ABCA2: variants seen among roughly 807,000 people sequenced by gnomAD.
ABCA2 encodes ATP binding cassette subfamily A member 2, also known as ATP-binding cassette sub-family A member 2.
ABCA2 carries 84 observed loss-of-function variants against 262.8 expected under a neutral mutation model. That is an observed-to-expected ratio of 0.32 (90% CI 0.27 to 0.38). ABCA2 has a LOEUF of 0.38. Ranked by LOEUF, ABCA2 falls within the 10% of genes least tolerant of loss-of-function variation. The pLI, the probability that ABCA2 is intolerant of heterozygous loss-of-function variation, is 1.00. For synonymous variants in ABCA2, 1,696 were observed against 1,502.9 expected (o/e 1.13, Z -2.97); for missense variants, 2,662 against 3,405.9 (o/e 0.78, Z 5.44).
chr9:137,014,681 GC>G lies in ABCA2; in HGVS notation c.4003+8del. 1 of 1,604,470 alleles carries G rather than the reference GC, an allele frequency of 6.2e-7. No individual in the cohort carries two copies. The highest frequency in any genetic ancestry group is 8.5e-7 in the Non-Finnish European group (1 of 1,176,936). The stretch of plus-strand genomic sequence containing the variant: ...GGGGTGGGCTGAGCAAGTGGTCCAG[GC>G]CCCTCACCGGCCTCACTGTTCTCCA... On this transcript the variant is annotated splice_region_variant and intron_variant, in intron 26 of 48. Coordinates refer to ENST00000341511, the MANE Select transcript of ABCA2 (RefSeq NM_001606.5).
upstream of ABCA2, chr9:137,028,636 G>A: frequency 9.0e-7 from 1 of 1,108,850 alleles, no homozygotes; most frequent in Non-Finnish European, 1.1e-6. The surrounding 1 kb of genome is among the most constrained non-coding windows in gnomAD (Gnocchi z 6.9). Context: ...CCGAGCGGAC[G>A]CTGGCGAGGG....
At chr9:137,010,898 C>G (rs1215514356) in intron 39 of ABCA2, 75 bp downstream of exon 39, 8 of 642,002 alleles carry the variant, frequency 1.2e-5, no homozygotes, top group South Asian at 9.2e-5. Flanking sequence ...CCCCCACCCC[C>G]GCCCCTACCC....
rs778638670 is a variant in ABCA2 at position 137,016,379 on chromosome 9, G to A, written c.3016C>T (p.Leu1006=). 3.7e-6 allele frequency: 6 copies of A among 1,612,948 alleles called. No homozygotes were observed. The highest frequency in any genetic ancestry group is 5.1e-6 in the Non-Finnish European group (6 of 1,180,004). The change falls in exon 21 of 49, where the codon CTG becomes TTG. Residue 1006 remains leucine, a synonymous_variant. Transcript: ENST00000341511. ...TTCAGGCTCAGCTTGTTCAGGGCCA[G>A]CTTCTTGTCGTCCTTGTAGACCTTG... The part of the protein sequence containing the change: ...LTKVYKDDKK[L]ALNKLSLNLY...
In ABCA2 at chr9:137,009,363, G is replaced by A. The variant is rs759472698; in HGVS notation, c.6827+7C>T. 24 of 413,172 alleles carry A rather than the reference G, an allele frequency of 5.8e-5. No individual in the cohort carries two copies. The highest frequency in any genetic ancestry group is 1.7e-4 in the Admixed American group (6 of 34,718). The allele number at this position is 413,172 out of a possible 1,614,324, so 25.6% of individuals were successfully genotyped here. ...CCCAGCCCACCCCTGGCCCTGCCCC[G>A]GCTCACCGGTTCTTCAGGTGCTGGA... On this transcript the variant is annotated splice_region_variant and intron_variant, in intron 45 of 48. Coordinates refer to ENST00000341511, the MANE Select transcript of ABCA2 (RefSeq NM_001606.5).
rs1230702820 is a variant in ABCA2 at position 137,011,879 on chromosome 9, T to C, written c.5500A>G (p.Ile1834Val). 4 of 1,609,612 alleles carry C rather than the reference T, an allele frequency of 2.5e-6. No individual in the cohort carries two copies. Among genetic ancestry groups the C allele is most frequent in the Admixed American group, 1.7e-5 (1 of 59,642 alleles). The change falls in exon 35 of 49, where the codon ATC becomes GTC. Residue 1834 changes from isoleucine to valine, a missense_variant. Coordinates refer to ENST00000341511, the MANE Select transcript of ABCA2 (RefSeq NM_001606.5). The surrounding 1 kb of genome is among the most constrained non-coding windows in gnomAD (Gnocchi z 8.8). ...ACGTAGTTCGCCAGCCAGTAGATGATGGGGTTGCAGCCGCTGACAAACTGC... is the reference window on the plus strand; with the variant it reads ...ACGTAGTTCGCCAGCCAGTAGATGACGGGGTTGCAGCCGCTGACAAACTGC... ...HLQFVSGCNPIIYWLANYVWD... is the reference protein window; with the variant it reads ...HLQFVSGCNPVIYWLANYVWD...
At chr9:137,024,062 T>C in intron 2 of ABCA2, 81 bp downstream of exon 2, 1 of 1,522,508 alleles carries the variant, frequency 6.6e-7, no homozygotes, top group Non-Finnish European at 8.8e-7. Context: ...AGGACACCCG[T>C]GTGCAGATGT....
At chr9:137,015,211 A>G in intron 24 of ABCA2, 114 bp from the exon 25 acceptor site, 1 of 1,304,600 alleles carries the variant, frequency 7.7e-7, no homozygotes, top group South Asian at 1.5e-5. Flanking sequence ...ACCAGGCCCC[A>G]GCAGGTATCC....
At chr9:137,020,160 C>CCTGGAGCCCCG in intron 10 of ABCA2, 176 bp downstream of exon 10, 1 of 818,320 alleles carries the variant, frequency 1.2e-6, no homozygotes, top group Non-Finnish European at 1.9e-6. Flanking sequence ...CTGGAGCTCC[C>CCTGGAGCCCCG]GAAAGGAAAA....
In ABCA2 at chr9:137,018,760, G is replaced by A. The variant is rs1317407583; in HGVS notation, c.1778C>T (p.Thr593Ile). Reference protein sequence around the residue: ...FPDEESIVNYTLNQAYQDNVT... With the variant: ...FPDEESIVNYILNQAYQDNVT... ...GTTGTCCTGGTAGGCCTGGTTGAGG[G>A]TGTAGTTGACAATGCTCTCCTCGTC... The change falls in exon 13 of 49, where the codon ACC (threonine) becomes ATC (isoleucine). Residue 593 changes from threonine (T) to isoleucine (I), a missense_variant. Coordinates refer to ENST00000341511, the MANE Select transcript of ABCA2 (RefSeq NM_001606.5). 2 of 1,612,370 alleles carry A rather than the reference G, an allele frequency of 1.2e-6. No individual in the cohort carries two copies. Among genetic ancestry groups the A allele is most frequent in the African/African-American group, 1.3e-5 (1 of 74,956 alleles).
At position 137,014,396 on chromosome 9, in the gene ABCA2, CCTT is replaced by C; in HGVS notation, c.4009_4011del (p.Lys1337del). On this transcript the variant is annotated inframe_deletion, in exon 27 of 49. Transcript: ENST00000341511. ...CCAGGGAGCACATCCTTCCTGGACTCCTTCACATCTGCCGCAGTGGAAGGGCCG... is the reference window on the plus strand; with the variant it reads ...CCAGGGAGCACATCCTTCCTGGACTCCACATCTGCCGCAGTGGAAGGGCCG... The C allele has an allele frequency of 1.3e-6, 2 of 1,590,162 alleles. No individual in the cohort carries two copies. Among genetic ancestry groups the C allele is most frequent in the African/African-American group, 1.3e-5 (1 of 74,430 alleles).
chr9:137,010,476 G>C, intron 40 of ABCA2, 105 bp from the exon 41 acceptor site: 1 of 1,072,384 alleles, frequency 9.3e-7, no homozygotes, highest in Non-Finnish European at 1.2e-6. Context: ...AGGGGGCCAC[G>C]TGCCCCACAG....
chr9:137,021,748 G>T lies in ABCA2; in HGVS notation c.679-138C>A. On this transcript the variant is annotated intron_variant, in intron 7 of 48. Coordinates refer to ENST00000341511, the MANE Select transcript of ABCA2 (RefSeq NM_001606.5). The surrounding 1 kb of genome is among the most constrained non-coding windows in gnomAD (Gnocchi z 6.0). ...CCCACGACATGCCTCTACCCCTCAT[G>T]CCTGCCATAGACCCCTGGGACCCTC... 8.2e-7 allele frequency: 1 copy of T among 1,216,910 alleles called. No individual in the cohort carries two copies. The highest frequency in any genetic ancestry group is 1.2e-6 in the Non-Finnish European group (1 of 863,520). The allele number at this position is 1,216,910 out of a possible 1,614,324, so 75.4% of individuals were successfully genotyped here.
Position 137,019,424 on chromosome 9 carries a change from C to CAT in ABCA2, c.1426-119_1426-118insAT. ...ATTGCCAACAACTAACCCTCCCCAC[C>CAT]TTTTTTTTTTTTTTTTTCCTGAGAC... On this transcript the variant is annotated intron_variant, in intron 10 of 48. Coordinates refer to ENST00000341511, the MANE Select transcript of ABCA2 (RefSeq NM_001606.5). This position sits in a 1 kb window ranked among gnomAD's most constrained non-coding sequence, Gnocchi z 4.4. 7.7e-6 allele frequency: 7 copies of CAT among 906,356 alleles called. No homozygotes were observed. Among genetic ancestry groups the CAT allele is most frequent in the Non-Finnish European group, 1.1e-5 (7 of 638,538 alleles). The allele number at this position is 906,356 out of a possible 1,614,324, so 56.1% of individuals were successfully genotyped here. A position where few individuals can be genotyped will look rare whatever the true frequency, so the allele number is the denominator to read the frequency against.
chr9:137,028,407 G>C, upstream of ABCA2: 2 of 462,586 alleles, frequency 4.3e-6, no homozygotes, highest in Non-Finnish European at 5.6e-6. The surrounding 1 kb of genome is among the most constrained non-coding windows in gnomAD (Gnocchi z 6.9). Context: ...GGACCGACCC[G>C]GGCCCGAGAC....
Position 137,017,820 on chromosome 9 carries a change from G to A in ABCA2, c.2178C>T (p.His726=). Residue 726 remains histidine, a synonymous_variant, in exon 16 of 49, where the codon CAC becomes CAT. Coordinates refer to ENST00000341511, the MANE Select transcript of ABCA2 (RefSeq NM_001606.5). ...GCCGGTGCTCCTTCTCCGCCACGAT[G>A]TGCTGGATGGTCATGGCCACGGAGT... ...WVYSVAMTIQ[H]IVAEKEHRLK... is the part of the protein sequence containing the mutation. 2 of 1,612,582 alleles carry A rather than the reference G, an allele frequency of 1.2e-6. No individual in the cohort carries two copies. The highest frequency in any genetic ancestry group is 1.7e-6 in the Non-Finnish European group (2 of 1,179,838).
At chr9:137,023,899 AGAG>A (rs1831564400) in intron 2 of ABCA2, 59 bp from the exon 3 acceptor site, 6 of 1,044,010 alleles carry the variant, frequency 5.7e-6, no homozygotes, top group Non-Finnish European at 8.9e-6. Context: ...AAAACAGAAC[AGAG>A]GAGACCAGTG....
At chr9:137,024,621 G>A (rs999108460) in intron 1 of ABCA2, among the ~76,000 whole-genome samples, 12 of 152,104 alleles carry the variant, frequency 7.9e-5, no homozygotes, top group East Asian at 1.9e-4. Flanking sequence ...CACTAGCCCC[G>A]CCTACACTTC....
At chr9:137,025,040 C>T (rs1304822332) in intron 1 of ABCA2, among the ~76,000 whole-genome samples, 10 of 152,172 alleles carry the variant, frequency 6.6e-5, no homozygotes, top group African/African-American at 1.9e-4. Context: ...CCTCGTGATC[C>T]GCCCACCTGG....
chr9:137,007,742 G>A lies in ABCA2; in HGVS notation c.*187C>T, dbSNP rs1830883035. The A allele has an allele frequency of 2.6e-6, 2 of 769,942 alleles. No individual in the cohort carries two copies. Among genetic ancestry groups the A allele is most frequent in the Non-Finnish European group, 4.2e-6 (2 of 474,106 alleles). The allele number at this position is 769,942 out of a possible 1,614,324, so 47.7% of individuals were successfully genotyped here. A position where few individuals can be genotyped will look rare whatever the true frequency, so the allele number is the denominator to read the frequency against. On this transcript the variant is annotated 3_prime_UTR_variant, in exon 49 of 49. Coordinates refer to ENST00000341511, the MANE Select transcript of ABCA2 (RefSeq NM_001606.5). The stretch of plus-strand genomic sequence containing the variant: ...CCGGGTCAGCCTTTGGCACAATTAG[G>A]GGCGGCAACCGCAGTGACCACAGGG...
Sources: gnomAD v4.1 joint callset for allele counts (sites outside exome capture counted in the v4.1 genomes callset) on GRCh38, gnomAD v4.1.1 for gene constraint, Gnocchi (gnomAD v3.1) non-coding constraint, MANE v1.5 for transcripts, NCBI Gene and HGNC (gene_info 2026-07-23, HGNC 2026-07-21) for gene names.